The following MAP4K3 variants were observed in gnomAD, a reference collection of about 807,000 sequenced individuals.
The protein encoded by MAP4K3 is mitogen-activated protein kinase kinase kinase kinase 3, also known as MAPK/ERK kinase kinase kinase 3.
In MAP4K3, 94 loss-of-function variants were observed where a neutral mutation model predicts 143.5. The ratio of observed to expected loss-of-function variants is 0.65; its 90% CI spans 0.55 to 0.78. MAP4K3 has a LOEUF of 0.78. Ranked by LOEUF, MAP4K3 falls within the 30% of genes least tolerant of loss-of-function variation. The pLI is 0.00. For missense variants in MAP4K3, 1,077 were observed against 1,068.1 expected (o/e 1.01, Z -0.12); for synonymous variants, 416 against 347.2 (o/e 1.20, Z -2.20).
chr2:39,395,081 A>AAC (rs1666767799), intron 1 of MAP4K3, among the ~76,000 whole-genome samples: 1 of 152,180 alleles, frequency 6.6e-6, no homozygotes, highest in Non-Finnish European at 1.5e-5. Flanking sequence ...GATGAAATTA[A>AAC]ACAACCTTCC....
At chr2:39,276,743 T>C (rs1026322086) in intron 24 of MAP4K3, among the ~76,000 whole-genome samples, 1 of 152,246 alleles carries the variant, frequency 6.6e-6, no homozygotes, top group Non-Finnish European at 1.5e-5. Flanking sequence ...ACCATTATTA[T>C]CAGTTTGTAG....
Position 39,308,014 on chromosome 2 carries a change from CAG to C in MAP4K3, c.1057-11_1057-10del. On this transcript the variant is annotated splice_polypyrimidine_tract_variant and intron_variant, in intron 14 of 33. Coordinates refer to ENST00000263881, the MANE Select transcript of MAP4K3 (RefSeq NM_003618.4). The stretch of plus-strand genomic sequence containing the variant: ...AAACCATCACTGTCGGGCTGTTTAG[CAG>C]AGACCAAGAAACCCAAGTTATTTAC... 1 of 1,588,624 alleles carries C rather than the reference CAG, an allele frequency of 6.3e-7. No individual in the cohort carries two copies.
At chr2:39,351,806 C>A (rs1665467785) in intron 3 of MAP4K3, among the ~76,000 whole-genome samples, 1 of 152,048 alleles carries the variant, frequency 6.6e-6, no homozygotes, top group Non-Finnish European at 1.5e-5. Flanking sequence ...GTAGCTGGGA[C>A]TACAGGCATG....
At chr2:39,367,251 A>C (rs1446484689) in intron 2 of MAP4K3, among the ~76,000 whole-genome samples, 2 of 152,216 alleles carry the variant, frequency 1.3e-5, no homozygotes, top group Non-Finnish European at 2.9e-5. Flanking sequence ...CTATCTAAAC[A>C]AAAAAAGAAG....
chr2:39,347,418 C>G (rs889712451), intron 3 of MAP4K3, among the ~76,000 whole-genome samples: 2 of 152,142 alleles, frequency 1.3e-5, no homozygotes, highest in South Asian at 4.1e-4. Flanking sequence ...TCTTAAGATG[C>G]AAGCAACTAG....
intron 18 of MAP4K3, among the ~76,000 whole-genome samples, chr2:39,291,627 T>C (rs1339525133): frequency 6.6e-6 from 1 of 152,306 alleles, no homozygotes; most frequent in East Asian, 1.9e-4. Flanking sequence ...GGCTCATGCC[T>C]GTAATCCCAG....
chr2:39,351,556 A>G (rs1398923872), intron 3 of MAP4K3, among the ~76,000 whole-genome samples: 2 of 152,226 alleles, frequency 1.3e-5, no homozygotes, highest in African/African-American at 2.4e-5. Flanking sequence ...TGCACTCTAC[A>G]TGCTAAGAAA....
At chr2:39,340,109 C>A (rs188631996) in intron 4 of MAP4K3, among the ~76,000 whole-genome samples, 3 of 152,178 alleles carry the variant, frequency 2.0e-5, no homozygotes, top group African/African-American at 7.2e-5. Flanking sequence ...AAAGGGGAAA[C>A]CTTGCAAGCA....
intron 3 of MAP4K3, among the ~76,000 whole-genome samples, chr2:39,344,377 T>C (rs1367566720): frequency 6.6e-6 from 1 of 152,228 alleles, no homozygotes; most frequent in Non-Finnish European, 1.5e-5. Flanking sequence ...GGTTGTTACT[T>C]GTAACTACAA....
Position 39,265,197 on chromosome 2 carries a change from G to A in MAP4K3, c.2136+6C>T, listed in dbSNP as rs376819934. On this transcript the variant is annotated splice_donor_region_variant and intron_variant, in intron 28 of 33. Transcript: ENST00000263881. Reference sequence around the variant, plus strand: ...AAGAATAAGATAGTCTGACTTTTATGCTTACCTTAATTAACATAAATTTCT... The same window carrying A: ...AAGAATAAGATAGTCTGACTTTTATACTTACCTTAATTAACATAAATTTCT... 4.5e-6 allele frequency: 7 copies of A among 1,553,370 alleles called. No homozygotes were observed. The highest frequency in any genetic ancestry group is 1.7e-5 in the Admixed American group (1 of 59,350).
At chr2:39,356,784 C>T (rs1665623144) in intron 2 of MAP4K3, among the ~76,000 whole-genome samples, 1 of 152,170 alleles carries the variant, frequency 6.6e-6, no homozygotes, top group Non-Finnish European at 1.5e-5. Context: ...ATTATTATGC[C>T]TTGGACATAA....
rs75184205 is a variant in MAP4K3, at chr2:39,311,848, T to C, written c.998-2329A>G. Among the ~76,000 whole-genome samples the C allele has an allele frequency of 8.0e-3, 1,216 of 152,328 alleles. 17 individuals are homozygous for C. Among genetic ancestry groups the C allele is most frequent in the African/African-American group, 0.028 (1,165 of 41,558 alleles). ...CAAAATCTGTTAGAGACAATAAATG[T>C]TTATTGTTTAATATGAGCAGATATA... On this transcript the variant is annotated intron_variant, in intron 13 of 33. Transcript: ENST00000263881.
chr2:39,259,643 T>C (rs1680486338), intron 29 of MAP4K3, among the ~76,000 whole-genome samples: 1 of 152,226 alleles, frequency 6.6e-6, no homozygotes, highest in Non-Finnish European at 1.5e-5. Flanking sequence ...CATTTTCATA[T>C]TAATGAACTT....
intron 16 of MAP4K3, among the ~76,000 whole-genome samples, chr2:39,297,322 T>G (rs1336633831): frequency 1.3e-5 from 2 of 152,162 alleles, no homozygotes; most frequent in African/African-American, 4.8e-5. Context: ...TTCACCATGT[T>G]GGCCAGGCTG....
chr2:39,328,182 T>C (rs1384659922), intron 8 of MAP4K3, among the ~76,000 whole-genome samples: 1 of 151,790 alleles, frequency 6.6e-6, no homozygotes, highest in Non-Finnish European at 1.5e-5. Context: ...AATGCAAAAA[T>C]TAGCTGGGCA....
At chr2:39,306,644 C>T (rs1041108371) in intron 15 of MAP4K3, among the ~76,000 whole-genome samples, 3 of 152,060 alleles carry the variant, frequency 2.0e-5, no homozygotes, top group Non-Finnish European at 2.9e-5. Flanking sequence ...TAAAGGAATC[C>T]GAGATTAGTA....
chr2:39,346,371 G>T (rs1665292768), intron 3 of MAP4K3, among the ~76,000 whole-genome samples: 1 of 152,122 alleles, frequency 6.6e-6, no homozygotes, highest in African/African-American at 2.4e-5. Context: ...TGTCTACCTG[G>T]TTCAATGACA....
chr2:39,283,665 G>A (rs76220217), intron 21 of MAP4K3: 1 of 152,078 alleles, frequency 6.6e-6, no homozygotes. Flanking sequence ...GAGTATACAG[G>A]CAATTATAAG....
At chr2:39,317,814 A>C (rs1243221419) in intron 12 of MAP4K3, among the ~76,000 whole-genome samples, 3 of 152,168 alleles carry the variant, frequency 2.0e-5, no homozygotes, top group Non-Finnish European at 4.4e-5. Flanking sequence ...GTGGGAATGT[A>C]AATTAGTTCA....
Sources: gnomAD v4.1 joint callset for allele counts (sites outside exome capture counted in the v4.1 genomes callset) on GRCh38, gnomAD v4.1.1 for gene constraint, MANE v1.5 for transcripts, NCBI Gene and HGNC (gene_info 2026-07-23, HGNC 2026-07-21) for gene names.